The following BABAM2 variants were observed in gnomAD, a reference collection of about 807,000 sequenced individuals.
BABAM2 encodes BRISC and BRCA1 A complex member 2.
In BABAM2, 31 loss-of-function variants were observed where a neutral mutation model predicts 54.7. The ratio of observed to expected loss-of-function variants is 0.57; its 90% CI spans 0.43 to 0.77. The LOEUF (loss-of-function observed/expected upper bound fraction) is 0.77. Ranked by LOEUF, BABAM2 falls within the 30% of genes least tolerant of loss-of-function variation. BABAM2 has a pLI of 0.00. For synonymous variants in BABAM2, 167 were observed against 162.9 expected, an observed-to-expected ratio of 1.03 and a Z score of -0.19; for missense variants, 364 against 455.8, an observed-to-expected ratio of 0.80 and a Z score of 1.83.
intron 7 of BABAM2, among the ~76,000 whole-genome samples, chr2:28,176,301 G>T (rs893514100): frequency 1.3e-5 from 2 of 152,064 alleles, no homozygotes; most frequent in African/African-American, 4.8e-5. Context: ...CAGGCACGGT[G>T]ACTCATGCCT....
At chr2:28,061,738 C>T (rs1252274713) in intron 6 of BABAM2, among the ~76,000 whole-genome samples, 3 of 151,608 alleles carry the variant, frequency 2.0e-5, no homozygotes, top group African/African-American at 4.8e-5. Flanking sequence ...TGAAACTATA[C>T]AACTTCTAGA....
intron 4 of BABAM2, among the ~76,000 whole-genome samples, chr2:27,991,997 T>G (rs528182777): frequency 5.9e-5 from 9 of 152,302 alleles, no homozygotes; most frequent in African/African-American, 2.2e-4. Flanking sequence ...TGTTTCAGTT[T>G]CTCCACATTC....
chr2:27,994,861 T>C (rs1673029984), intron 4 of BABAM2, among the ~76,000 whole-genome samples: 2 of 152,198 alleles, frequency 1.3e-5, no homozygotes, highest in African/African-American at 4.8e-5. Context: ...ATAGGACAGT[T>C]TGAGGTTTCT....
intron 3 of BABAM2, among the ~76,000 whole-genome samples, chr2:27,959,959 A>G (rs1670354128): frequency 6.6e-6 from 1 of 151,258 alleles, no homozygotes; most frequent in Non-Finnish European, 1.5e-5. Context: ...AGCATTTTTT[A>G]TGTCTACTTT....
intron 6 of BABAM2, among the ~76,000 whole-genome samples, chr2:28,053,783 G>A (rs1678176473): frequency 6.6e-6 from 1 of 152,106 alleles, no homozygotes; most frequent in Non-Finnish European, 1.5e-5. Context: ...AGACTTGTGT[G>A]CCATATGGTC....
chr2:28,026,281 A>G (rs1160165856), intron 5 of BABAM2, among the ~76,000 whole-genome samples: 1 of 152,182 alleles, frequency 6.6e-6, no homozygotes. Context: ...ACACATGTAC[A>G]CGTATGTTTA....
intron 10 of BABAM2, among the ~76,000 whole-genome samples, chr2:28,249,248 C>T (rs1042609988): frequency 1.3e-5 from 2 of 151,804 alleles, no homozygotes; most frequent in Non-Finnish European, 2.9e-5. Context: ...GCCACCATGC[C>T]CGGCTAATTT....
intron 7 of BABAM2, among the ~76,000 whole-genome samples, chr2:28,145,642 T>C (rs2220508): frequency 0.72 from 109,313 of 152,026 alleles, 39,829 homozygotes; most frequent in Middle Eastern, 0.81. Flanking sequence ...TCAGTATATT[T>C]GCAGAGTTGT....
Position 28,025,430 on chromosome 2 carries a change from T to G in BABAM2, c.495+10T>G, listed in dbSNP as rs1473357205. 1 of 1,554,384 alleles carries G rather than the reference T, an allele frequency of 6.4e-7. No individual in the cohort carries two copies. On this transcript the variant is annotated intron_variant, in intron 5 of 11. Transcript: ENST00000379624. ...GAAAAAAAACAACTGGGTAAGGATT[T>G]TTGAGAATGGAAAAAAAGATGACTT...
At chr2:28,081,292 G>T (rs1014767740) in intron 6 of BABAM2, among the ~76,000 whole-genome samples, 2 of 152,194 alleles carry the variant, frequency 1.3e-5, no homozygotes. Flanking sequence ...TACAGGGCAA[G>T]TAGGAGCTGC....
At chr2:28,132,560 C>T (rs10179022) in intron 7 of BABAM2, among the ~76,000 whole-genome samples, 4,842 of 152,212 alleles carry the variant, frequency 0.032, 250 homozygotes, top group African/African-American at 0.11. Context: ...TCTTACATTG[C>T]CAGCACTCTC....
At chr2:28,278,794 GGA>G (rs1350230682) in intron 10 of BABAM2, among the ~76,000 whole-genome samples, 8 of 152,198 alleles carry the variant, frequency 5.3e-5, no homozygotes, top group Non-Finnish European at 1.0e-4. Context: ...ATGAGAACCA[GGA>G]GAGAGGGCAC....
At chr2:28,213,617 A>G (rs568553778) in intron 7 of BABAM2, among the ~76,000 whole-genome samples, 91 of 152,292 alleles carry the variant, frequency 6.0e-4, no homozygotes, top group Admixed American at 1.2e-3. Context: ...TTATTAAAAT[A>G]TGCTTATATC....
chr2:28,247,607 C>T (rs1322500068), intron 10 of BABAM2, among the ~76,000 whole-genome samples: 1 of 152,152 alleles, frequency 6.6e-6, no homozygotes, highest in East Asian at 1.9e-4. Flanking sequence ...GAAGGAAGTG[C>T]CTGGAAATAG....
rs529300824 is a variant in BABAM2, at chr2:28,177,483, A to G, written c.680+48103A>G. Among the ~76,000 whole-genome samples the G allele has an allele frequency of 2.7e-5, 4 of 148,606 alleles. No individual in the cohort carries two copies. The East Asian group carries it at 7.7e-4, about 29-fold the overall frequency. ...CCAAAAGTATAAAACTCACTGGTAAAGCAAACACACAAATGAGGAAGGGAA... is the reference window on the plus strand; with the variant it reads ...CCAAAAGTATAAAACTCACTGGTAAGGCAAACACACAAATGAGGAAGGGAA... On this transcript the variant is annotated intron_variant, in intron 7 of 11. Coordinates refer to ENST00000379624, the MANE Select transcript of BABAM2 (RefSeq NM_199191.3).
At position 28,049,382 on chromosome 2, in the gene BABAM2, G is replaced by A. The variant is rs538107333; in HGVS notation, c.570+3583G>A. On this transcript the variant is annotated intron_variant, in intron 6 of 11. Coordinates refer to ENST00000379624, the MANE Select transcript of BABAM2 (RefSeq NM_199191.3). ...TTGTTGGGTAAGAAAAGACCATATT[G>A]TTTATGTAGGCTAAATTGTTGGAGT... 2.0e-5 allele frequency among the ~76,000 whole-genome samples: 3 copies of A among 152,298 alleles called. No individual in the cohort carries two copies. The East Asian group carries it at 5.8e-4, about 29-fold the overall frequency.
intron 9 of BABAM2, among the ~76,000 whole-genome samples, chr2:28,243,952 A>G (rs1487807034): frequency 2.6e-5 from 4 of 152,156 alleles, no homozygotes; most frequent in Non-Finnish European, 5.9e-5. Context: ...CCTTGTATGG[A>G]TGAGAAAGAA....
At chr2:28,147,373 ATTAT>A (rs1472229167) in intron 7 of BABAM2, among the ~76,000 whole-genome samples, 6 of 152,182 alleles carry the variant, frequency 3.9e-5, no homozygotes, top group Non-Finnish European at 8.8e-5. Flanking sequence ...TTTTAAAAAC[ATTAT>A]TTAGATTTTT....
intron 7 of BABAM2, among the ~76,000 whole-genome samples, chr2:28,210,438 G>A (rs1679341199): frequency 6.6e-6 from 1 of 152,112 alleles, no homozygotes; most frequent in South Asian, 2.1e-4. Context: ...GAAAGGCTAG[G>A]GTGTAGAGTT....
Sources: gnomAD v4.1 joint callset for allele counts (sites outside exome capture counted in the v4.1 genomes callset) on GRCh38, gnomAD v4.1.1 for gene constraint, MANE v1.5 for transcripts, NCBI Gene and HGNC (gene_info 2026-07-23, HGNC 2026-07-21) for gene names.